The following DMAC2L variants were observed in gnomAD, a reference collection of about 807,000 sequenced individuals.
The protein encoded by DMAC2L is distal membrane arm assembly component 2 like.
In DMAC2L, 21 loss-of-function variants were observed where a neutral mutation model predicts 22.5. That is an observed-to-expected ratio of 0.93 (90% CI 0.66 to 1.34). The LOEUF (loss-of-function observed/expected upper bound fraction) is 1.34, where lower values mean the gene tolerates loss of function less well. DMAC2L is among the 40% of genes most tolerant of loss of function. The pLI, the probability that DMAC2L is intolerant of heterozygous loss-of-function variation, is 0.00. For missense variants in DMAC2L, 239 were observed against 246.5 expected (o/e 0.97, Z 0.20); for synonymous variants, 86 against 89.5 (o/e 0.96, Z 0.22).
intron 2 of DMAC2L, among the ~76,000 whole-genome samples, chr14:50,320,825 A>G (rs1028132020): frequency 5.3e-5 from 8 of 152,214 alleles, no homozygotes; most frequent in East Asian, 3.8e-4. Context: ...ATTGAGGTCA[A>G]TCAAATCGAA....
rs2032079203 is a variant in DMAC2L at position 50,319,375 on chromosome 14, T to G, written c.-5-2108T>G. 3 of 1,528,978 alleles carry G rather than the reference T, an allele frequency of 2.0e-6. No homozygotes were observed. The African/African-American group carries it at 4.1e-5, about 21-fold the overall frequency. The allele number at this position is 1,528,978 out of a possible 1,614,324, so 94.7% of individuals were successfully genotyped here. A position where few individuals can be genotyped will look rare whatever the true frequency, so the allele number is the denominator to read the frequency against. On this transcript the variant is annotated intron_variant, in intron 2 of 5. Transcript: ENST00000557421. ...AGCATCCTCAATCACTTCCTCAGCT[T>G]TAAGGTGTTTCCCTCTCAGGCATCT...
At chr14:50,318,707 T>C (rs2032019006) in intron 2 of DMAC2L, among the ~76,000 whole-genome samples, 1 of 152,220 alleles carries the variant, frequency 6.6e-6, no homozygotes, top group South Asian at 2.1e-4. Context: ...ATTCTGCTTC[T>C]GCTTCTAGAC....
rs760490827 is a variant in DMAC2L at position 50,313,042 on chromosome 14, C to T, written c.-42+653C>T. On this transcript the variant is annotated intron_variant, in intron 1 of 5. Transcript: ENST00000557421. ...TTAAATGTGCTGTGCGGTCTCTGAG[C>T]AGCGACTCACCTGTGCAGGTCACTT... The T allele has an allele frequency of 3.1e-6, 5 of 1,613,756 alleles. No individual in the cohort carries two copies. In the South Asian group the frequency reaches 5.5e-5, roughly 18 times the overall value.
intron 1 of DMAC2L, 81 bp downstream of exon 1, chr14:50,312,470 G>C: frequency 2.2e-6 from 1 of 456,864 alleles, no homozygotes; most frequent in Non-Finnish European, 4.0e-6. Flanking sequence ...CCAACGCTGG[G>C]CTGACTGAAA....
chr14:50,318,611 A>T (rs1361757390), intron 2 of DMAC2L, among the ~76,000 whole-genome samples: 5 of 152,254 alleles, frequency 3.3e-5, no homozygotes, highest in Non-Finnish European at 7.3e-5. Flanking sequence ...CATTATGCTG[A>T]GAAAAATGGA....
At chr14:50,323,887 G>C (rs2032498462) in intron 4 of DMAC2L, 58 bp from the exon 5 acceptor site, 1 of 1,459,636 alleles carries the variant, frequency 6.9e-7, no homozygotes, top group South Asian at 1.3e-5. Context: ...GGGCAAACCA[G>C]GACAGTTTGT....
chr14:50,324,752 A>T (rs1235088157), intron 5 of DMAC2L: 1 of 152,248 alleles, frequency 6.6e-6, no homozygotes, highest in African/African-American at 2.4e-5. Flanking sequence ...CATCGGCGTG[A>T]TGAAAAAAGA....
chr14:50,316,384 C>T (rs141838342), intron 2 of DMAC2L, among the ~76,000 whole-genome samples: 1 of 152,292 alleles, frequency 6.6e-6, no homozygotes, highest in African/African-American at 2.4e-5. Flanking sequence ...GTTCCTTTTG[C>T]CACGCAAAAG....
At chr14:50,324,762 A>G (rs1566562311) in intron 5 of DMAC2L, 1 of 152,174 alleles carries the variant, frequency 6.6e-6, no homozygotes, top group African/African-American at 2.4e-5. Context: ...ATGAAAAAAG[A>G]ATAGAAGTTT....
intron 5 of DMAC2L, chr14:50,324,510 G>T (rs1483395033): frequency 6.5e-6 from 1 of 153,438 alleles, no homozygotes. Context: ...TGCTTGAGGG[G>T]AGAAAAACCT....
chr14:50,323,467 C>T (rs2032467564), intron 4 of DMAC2L, among the ~76,000 whole-genome samples: 2 of 145,680 alleles, frequency 1.4e-5, no homozygotes, highest in African/African-American at 5.1e-5. Context: ...GATCTTGGCT[C>T]ACTGCAACCT....
At chr14:50,322,894 C>A in intron 4 of DMAC2L, 175 bp downstream of exon 4, 1 of 1,455,348 alleles carries the variant, frequency 6.9e-7, no homozygotes, top group Middle Eastern at 2.5e-4. Context: ...AGGTTACAGA[C>A]ACCTTCCTCT....
chr14:50,322,383 A>AATAT lies in DMAC2L; in HGVS notation c.108-126_108-125insATAT, dbSNP rs10685266. The AATAT allele has an allele frequency of 4.0e-6, 4 of 995,866 alleles. 1 individual carries two copies. Among genetic ancestry groups the AATAT allele is most frequent in the Non-Finnish European group, 4.2e-6 (3 of 719,318 alleles). 61.7% of individuals were successfully genotyped at this position (995,866 alleles called of 1,614,324 possible). On this transcript the variant is annotated intron_variant, in intron 3 of 5. Transcript: ENST00000557421. ...TTGTTTTTTTTGCATGGATCTCACT[A>AATAT]ATTTATCTTCCTCGTCAGTCACTTG...
At chr14:50,314,567 G>A in intron 1 of DMAC2L, 24 bp from the exon 2 acceptor site, 1 of 455,972 alleles carries the variant, frequency 2.2e-6, no homozygotes, top group South Asian at 1.5e-5. Context: ...AGCCTTTTGT[G>A]TGAACCTGTT....
intron 1 of DMAC2L, chr14:50,312,846 T>C (rs2031372949): frequency 1.5e-6 from 1 of 664,524 alleles, no homozygotes. Context: ...GGACTTCTTT[T>C]ATGGGGCTCC....
chr14:50,324,196 G>C, intron 5 of DMAC2L, 80 bp downstream of exon 5: 1 of 1,401,712 alleles, frequency 7.1e-7, no homozygotes, highest in Non-Finnish European at 9.5e-7. Context: ...GTGAGGGGTG[G>C]TGTCTTTTTT....
Position 50,312,371 on chromosome 14 carries a change from C to T in DMAC2L, c.-60C>T, listed in dbSNP as rs865948819. 97 of 615,280 alleles carry T rather than the reference C, an allele frequency of 1.6e-4. No homozygotes were observed. The East Asian group carries it at 1.9e-3, about 12-fold the overall frequency. 38.1% of individuals were successfully genotyped at this position (615,280 alleles called of 1,614,324 possible). A position where few individuals can be genotyped will look rare whatever the true frequency, so the allele number is the denominator to read the frequency against. On this transcript the variant is annotated 5_prime_UTR_variant, in exon 1 of 6. Coordinates refer to ENST00000557421, the MANE Select transcript of DMAC2L (RefSeq NM_001382507.1). ...CGCGGGGACGCTGGCTCGCTCCCTC[C>T]CTCCCTCCCTCCGACGCTGTGAGTA...
chr14:50,319,924 CTA>C (rs2032125056), intron 2 of DMAC2L, among the ~76,000 whole-genome samples: 1 of 152,176 alleles, frequency 6.6e-6, no homozygotes. Context: ...ATGGAACTAA[CTA>C]TGTAATGTCA....
In DMAC2L at chr14:50,322,927, G is replaced by A. The variant is rs374097142; in HGVS notation, c.316+208G>A. 85 of 1,426,748 alleles carry A rather than the reference G, an allele frequency of 6.0e-5. 1 individual carries two copies. The Middle Eastern group carries it at 1.0e-3, about 17-fold the overall frequency. The allele number at this position is 1,426,748 out of a possible 1,614,324, so 88.4% of individuals were successfully genotyped here. On this transcript the variant is annotated intron_variant, in intron 4 of 5. Transcript: ENST00000557421. ...TCTCCTTCCTCCTCTCACTAAGCTT[G>A]TTTCTGTATGTCTCTAGTCTTTGGT...
Sources: allele counts gnomAD v4.1 joint callset (sites outside exome capture counted in the v4.1 genomes callset), GRCh38; gene constraint gnomAD v4.1.1; transcripts MANE v1.5; gene names NCBI Gene and HGNC (gene_info 2026-07-23, HGNC 2026-07-21).